NPHP3: variants seen among roughly 807,000 people sequenced by gnomAD.
NPHP3 encodes nephrocystin-3.
Under a neutral mutation model 171.9 loss-of-function variants are expected in NPHP3, and 123 were observed. The ratio of observed to expected loss-of-function variants is 0.72; its 90% CI spans 0.62 to 0.83. The LOEUF (loss-of-function observed/expected upper bound fraction) is 0.83. Ranked by LOEUF, NPHP3 falls within the 40% of genes least tolerant of loss-of-function variation. The pLI is 0.00. For synonymous variants in NPHP3, 558 were observed against 579.2 expected, an observed-to-expected ratio of 0.96 and a Z score of 0.52; for missense variants, 1,506 against 1,591.9, an observed-to-expected ratio of 0.95 and a Z score of 0.92.
At chr3:132,694,450 T>C (rs951840725) in intron 16 of NPHP3, among the ~76,000 whole-genome samples, 2 of 151,702 alleles carry the variant, frequency 1.3e-5, no homozygotes, top group Non-Finnish European at 2.9e-5. Context: ...AATGATACCA[T>C]ACAGTTAAAA....
At chr3:132,696,492 A>G (rs1226618373) in intron 15 of NPHP3, among the ~76,000 whole-genome samples, 2 of 152,176 alleles carry the variant, frequency 1.3e-5, no homozygotes, top group East Asian at 3.8e-4. Flanking sequence ...TTCTTTTGCA[A>G]CCTCCAATAG....
At position 132,689,184 on chromosome 3, in the gene NPHP3, A is replaced by T; in HGVS notation, c.2773T>A (p.Ser925Thr). 6.2e-7 allele frequency: 1 copy of T among 1,614,146 alleles called. No homozygotes were observed. The highest frequency in any genetic ancestry group is 2.2e-5 in the East Asian group (1 of 44,884). The change falls in exon 20 of 27, where the codon TCA (serine) becomes ACA (threonine). Residue 925 changes from serine to threonine, a missense_variant. Transcript: ENST00000337331. ...CAGTTTTTCTCATACTGCTTCAATG[A>T]ATCGAAGTATTCTGTTGCCATTGCA... is the stretch of plus-strand genomic sequence containing the variant. ...KSAMATEYFD[S>T]LKQYEKNCEG...
Position 132,704,272 on chromosome 3 carries a change from T to C in NPHP3, c.1450A>G (p.Ile484Val), listed in dbSNP as rs775368132. 6.2e-7 allele frequency: 1 copy of C among 1,614,096 alleles called. No individual in the cohort carries two copies. Among genetic ancestry groups the C allele is most frequent in the African/African-American group, 1.3e-5 (1 of 74,938 alleles). The change falls in exon 9 of 27, where the codon ATA becomes GTA. Residue 484 changes from isoleucine to valine, a missense_variant. Physicochemically the swap from Ile to Val is conservative, Grantham distance 29. Around this residue, in one of 3 missense-constraint regions of NPHP3, gnomAD observed 930 missense variants for 924.9 expected, o/e 1.01. Coordinates refer to ENST00000337331, the MANE Select transcript of NPHP3 (RefSeq NM_153240.5). ...TCCATTTGCTCTTGTTCATCATGTA[T>C]GTCCCACAGAACATCACCAAAATCA... Reference protein sequence around the residue: ...EDDFGDVLWDIHDEQEQMETF... With the variant: ...EDDFGDVLWDVHDEQEQMETF...
At chr3:132,695,489 C>A (rs1204542474) in intron 15 of NPHP3, among the ~76,000 whole-genome samples, 1 of 152,080 alleles carries the variant, frequency 6.6e-6, no homozygotes, top group Non-Finnish European at 1.5e-5. Flanking sequence ...AAAATAGGTA[C>A]TTTCAAAAAT....
intron 15 of NPHP3, among the ~76,000 whole-genome samples, chr3:132,696,434 C>T (rs1939455913): frequency 6.6e-6 from 1 of 152,184 alleles, no homozygotes; most frequent in African/African-American, 2.4e-5. Flanking sequence ...TCAGTTGTTT[C>T]CTTCACTTTC....
chr3:132,686,379 A>T lies in NPHP3; in HGVS notation c.3210T>A (p.Phe1070Leu). The T allele has an allele frequency of 6.2e-7, 1 of 1,614,154 alleles. No individual in the cohort carries two copies. Among genetic ancestry groups the T allele is most frequent in the Non-Finnish European group, 8.5e-7 (1 of 1,179,984 alleles). The change falls in exon 23 of 27, where the codon TTT (phenylalanine) becomes TTA (leucine). Residue 1070 changes from phenylalanine to leucine, a missense_variant. This residue lies in a region of NPHP3 where 569 missense variants were observed against 648.1 expected (regional missense o/e 0.88). Transcript: ENST00000337331. ...GTAAAGCCCGTCTACGTAAAAGGGC[A>T]AATCCGTACTGCAGCAAACATGAAA... ...AIKKKGNLYG[F>L]ALLRRRALQL...
At chr3:132,695,096 A>T in intron 15 of NPHP3, 131 bp from the exon 16 acceptor site, 1 of 850,512 alleles carries the variant, frequency 1.2e-6, no homozygotes, top group Admixed American at 2.0e-5. Flanking sequence ...AAAACATGAT[A>T]AAGGAAAGTG....
chr3:132,689,300 C>T, intron 19 of NPHP3, 37 bp from the exon 20 acceptor site: 1 of 1,598,696 alleles, frequency 6.3e-7, no homozygotes, highest in South Asian at 1.1e-5. Context: ...ATGAAAAACA[C>T]ACTTTAAAAT....
chr3:132,705,279 CAT>C (rs1413553603), intron 8 of NPHP3, among the ~76,000 whole-genome samples: 1 of 152,128 alleles, frequency 6.6e-6, no homozygotes, highest in Non-Finnish European at 1.5e-5. Flanking sequence ...CATGAAACTT[CAT>C]AGAGACTTCC....
chr3:132,718,895 TATAG>T, intron 3 of NPHP3, 95 bp downstream of exon 3: 1 of 1,214,204 alleles, frequency 8.2e-7, no homozygotes, highest in East Asian at 2.4e-5. Context: ...AATAACCTAA[TATAG>T]ATAAGTAAAA....
At chr3:132,721,627 A>G (rs1380356802) in intron 1 of NPHP3, 4 of 441,626 alleles carry the variant, frequency 9.1e-6, no homozygotes, top group South Asian at 3.9e-5. Context: ...AGGTGCCTCA[A>G]TGAATAAACC....
In NPHP3 at chr3:132,701,507, C is replaced by T. The variant is rs767424974; in HGVS notation, c.1551G>A (p.Val517=). 3.5e-5 allele frequency: 57 copies of T among 1,613,128 alleles called. No homozygotes were observed. The highest frequency in any genetic ancestry group is 4.7e-5 in the Non-Finnish European group (56 of 1,179,442). ...EKYYQRLNDL[V]AAPAPIPPLL... is the part of the protein sequence containing the mutation. ...GAGGTGGAATCGGGGCTGGTGCTGCCACTAGATCATTAAGGCGTTGGTAAT... is the reference window on the plus strand; with the variant it reads ...GAGGTGGAATCGGGGCTGGTGCTGCTACTAGATCATTAAGGCGTTGGTAAT... Residue 517 remains valine (V), a synonymous_variant, in exon 10 of 27, where the codon GTG becomes GTA. Coordinates refer to ENST00000337331, the MANE Select transcript of NPHP3 (RefSeq NM_153240.5).
chr3:132,688,928 G>A (rs1939230677), intron 20 of NPHP3, 37 bp from the exon 21 acceptor site: 1 of 1,613,778 alleles, frequency 6.2e-7, no homozygotes, highest in Admixed American at 1.7e-5. Flanking sequence ...GTTAAAGTGA[G>A]TGAAATGCTG....
At chr3:132,687,255 A>C (rs766688868) in intron 21 of NPHP3, 29 bp from the exon 22 acceptor site, 22 of 975,352 alleles carry the variant, frequency 2.3e-5, no homozygotes, top group Non-Finnish European at 3.1e-5. Flanking sequence ...TAAGTCAAAC[A>C]AAAGAAACAT....
At chr3:132,698,753 T>C (rs1034610877) in intron 13 of NPHP3, among the ~76,000 whole-genome samples, 1 of 152,144 alleles carries the variant, frequency 6.6e-6, no homozygotes, top group African/African-American at 2.4e-5. Flanking sequence ...ACTCATCACC[T>C]TTTCCCCACA....
intron 7 of NPHP3, among the ~76,000 whole-genome samples, chr3:132,706,107 C>A (rs1483266768): frequency 6.6e-6 from 1 of 151,938 alleles, no homozygotes; most frequent in South Asian, 2.1e-4. Context: ...TGCCTGTAAT[C>A]CCAGCACTTT....
Position 132,699,911 on chromosome 3 carries a change from A to T in NPHP3, c.1887+7T>A. On this transcript the variant is annotated splice_region_variant and intron_variant, in intron 12 of 26. Coordinates refer to ENST00000337331, the MANE Select transcript of NPHP3 (RefSeq NM_153240.5). ...CATATCAATAGGTAACAAATGGAAA[A>T]CGGTACCTGAACTTGATCTATAGAA... The T allele has an allele frequency of 6.2e-7, 1 of 1,614,048 alleles. No homozygotes were observed. Among genetic ancestry groups the T allele is most frequent in the South Asian group, 1.1e-5 (1 of 91,088 alleles).
chr3:132,684,951 C>T, intron 23 of NPHP3, 157 bp from the exon 24 acceptor site: 2 of 822,026 alleles, frequency 2.4e-6, no homozygotes, highest in Non-Finnish European at 3.8e-6. Flanking sequence ...TCTTCCCCAC[C>T]CCTATCTCTT....
At chr3:132,715,309 G>T in intron 4 of NPHP3, 91 bp from the exon 5 acceptor site, 1 of 1,031,642 alleles carries the variant, frequency 9.7e-7, no homozygotes, top group Non-Finnish European at 1.5e-6. Context: ...AGGCATCATA[G>T]AATGGAATCT....
Sources: gnomAD v4.1 joint callset for allele counts (sites outside exome capture counted in the v4.1 genomes callset) on GRCh38, gnomAD v4.1.1 for gene constraint, gnomAD v4.1.1 regional missense constraint, MANE v1.5 for transcripts, NCBI Gene and HGNC (gene_info 2026-07-23, HGNC 2026-07-21) for gene names.